MYO10: variants seen among roughly 807,000 people sequenced by gnomAD.
The protein encoded by MYO10 is unconventional myosin-X.
A neutral mutation model predicts 257.3 loss-of-function variants in MYO10; 133 were observed. That is an observed-to-expected ratio of 0.52 (90% confidence interval 0.45 to 0.60). The LOEUF is 0.60. Ranked by LOEUF, MYO10 falls within the 20% of genes least tolerant of loss-of-function variation. MYO10 has a pLI of 0.00. For missense variants in MYO10, 2,399 were observed against 2,635.7 expected (o/e 0.91, Z 1.97); for synonymous variants, 1,104 against 1,028.6 (o/e 1.07, Z -1.40).
At chr5:16,882,218 C>T (rs1744772584) in intron 1 of MYO10, among the ~76,000 whole-genome samples, 1 of 152,134 alleles carries the variant, frequency 6.6e-6, no homozygotes, top group African/African-American at 2.4e-5. Flanking sequence ...ACGTAAGGTT[C>T]ACAGAGGTTC....
At chr5:16,852,755 G>A (rs761383342) in intron 2 of MYO10, among the ~76,000 whole-genome samples, 2 of 151,992 alleles carry the variant, frequency 1.3e-5, no homozygotes, top group East Asian at 1.9e-4. Flanking sequence ...CTGGTCACAC[G>A]TAAATGACAC....
intron 1 of MYO10, among the ~76,000 whole-genome samples, chr5:16,904,148 T>C (rs1214692703): frequency 6.6e-6 from 1 of 152,088 alleles, no homozygotes; most frequent in Admixed American, 6.6e-5. Context: ...AAAGCTTCTA[T>C]AAAAACCCAA....
chr5:16,716,531 C>T, intron 19 of MYO10, among the ~76,000 whole-genome samples: 1 of 79,676 alleles, frequency 1.3e-5, no homozygotes, highest in East Asian at 8.4e-4. Flanking sequence ...GATTTGGAAA[C>T]AGCCATTTGC....
intron 19 of MYO10, among the ~76,000 whole-genome samples, chr5:16,717,785 A>G (rs31296): frequency 0.82 from 124,964 of 152,170 alleles, 51,526 homozygotes; most frequent in Non-Finnish European, 0.84. Context: ...GTGACAGCAC[A>G]CTGGCAGTCC....
chr5:16,927,227 A>T (rs2434963), intron 1 of MYO10, among the ~76,000 whole-genome samples: 53,310 of 144,166 alleles, frequency 0.37, 9,612 homozygotes, highest in African/African-American at 0.43. Flanking sequence ...ATGAAGGCAT[A>T]AAAAAAAAGT....
At chr5:16,740,885 C>CA (rs536412973) in intron 19 of MYO10, among the ~76,000 whole-genome samples, 3,032 of 133,178 alleles carry the variant, frequency 0.023, 70 homozygotes, top group African/African-American at 0.069. Flanking sequence ...AAATTGATGG[C>CA]AAAAAAAAAA....
chr5:16,672,744 C>A lies in MYO10; in HGVS notation c.5254G>T (p.Asp1752Tyr), dbSNP rs188023536. ...FALFEYNGHVDKAIESRTVVA... is the reference protein window; with the variant it reads ...FALFEYNGHVYKAIESRTVVA... Reference sequence around the variant, plus strand: ...ACGGTTCGACTTTCAATGGCTTTGTCGACGTGGCCGTTGTATTCAAACAAA... The same window carrying A: ...ACGGTTCGACTTTCAATGGCTTTGTAGACGTGGCCGTTGTATTCAAACAAA... Residue 1752 changes from aspartate (D) to tyrosine (Y), a missense_variant, in exon 37 of 41, where the codon GAC becomes TAC. This residue lies in a region of MYO10 where 1,820 missense variants were observed against 1,939.4 expected (regional missense o/e 0.94). Transcript: ENST00000513610. The A allele has an allele frequency of 7.4e-6, 12 of 1,613,962 alleles. No individual in the cohort carries two copies. In the African/African-American group the frequency reaches 1.6e-4, roughly 22 times the overall value.
intron 25 of MYO10, among the ~76,000 whole-genome samples, chr5:16,699,946 T>C (rs1737966588): frequency 6.6e-6 from 1 of 152,334 alleles, no homozygotes; most frequent in East Asian, 1.9e-4. Flanking sequence ...CAAGATATAC[T>C]TGAATCCAAA....
chr5:16,780,034 T>C (rs1741348340), intron 8 of MYO10, among the ~76,000 whole-genome samples: 1 of 152,176 alleles, frequency 6.6e-6, no homozygotes, highest in East Asian at 1.9e-4. Flanking sequence ...CCTGAGTAGC[T>C]GGAATTACAG....
At chr5:16,793,141 C>T (rs1027846901) in intron 4 of MYO10, among the ~76,000 whole-genome samples, 1 of 152,066 alleles carries the variant, frequency 6.6e-6, no homozygotes, top group African/African-American at 2.4e-5. Flanking sequence ...ATGCTTGGCG[C>T]CTCCACGGAA....
rs143172444 is a variant in MYO10 at position 16,889,719 on chromosome 5, G to T, written c.22-12012C>A. Among the ~76,000 whole-genome samples, 61 of 151,778 alleles carry T rather than the reference G, an allele frequency of 4.0e-4. No individual in the cohort carries two copies. In the East Asian group the frequency reaches 0.011, roughly 26 times the overall value. ...TAAAGCACACAAAACAAAACAGCTG[G>T]TTTAAGAACTGCATTCCACTCCTCT... On this transcript the variant is annotated intron_variant, in intron 1 of 40. Transcript: ENST00000513610.
At position 16,758,187 on chromosome 5, in the gene MYO10, G is replaced by A; in HGVS notation, c.1779C>T (p.Ser593=). 2 of 1,613,604 alleles carry A rather than the reference G, an allele frequency of 1.2e-6. No individual in the cohort carries two copies. The highest frequency in any genetic ancestry group is 1.7e-6 in the Non-Finnish European group (2 of 1,179,562). ...ATTTCAAGGTATCCTGGTTGTTGCGGCTTGAAACATGTTCAAAAAGATCGT... is the reference window on the plus strand; with the variant it reads ...ATTTCAAGGTATCCTGGTTGTTGCGACTTGAAACATGTTCAAAAAGATCGT... ...FIYDLFEHVS[S]RNNQDTLKCG... is the part of the protein sequence containing the mutation. Residue 593 remains serine (S), a synonymous_variant, in exon 18 of 41, where the codon AGC becomes AGT. Transcript: ENST00000513610.
intron 2 of MYO10, among the ~76,000 whole-genome samples, chr5:16,866,891 C>T (rs567872412): frequency 8.5e-5 from 13 of 152,292 alleles, no homozygotes; most frequent in Non-Finnish European, 1.6e-4. Context: ...CACCCACAGC[C>T]GCTCTTCCCG....
intron 19 of MYO10, among the ~76,000 whole-genome samples, chr5:16,721,293 T>C (rs1246731114): frequency 6.6e-6 from 1 of 152,098 alleles, no homozygotes; most frequent in Admixed American, 6.5e-5. Context: ...CTCTCAAGAG[T>C]GGTGAATAAA....
At chr5:16,669,388 C>T (rs985468197) in intron 39 of MYO10, among the ~76,000 whole-genome samples, 20 of 151,844 alleles carry the variant, frequency 1.3e-4, no homozygotes, top group African/African-American at 4.8e-4. Context: ...TAATTTTTTG[C>T]AGAGATGGGG....
In MYO10 at chr5:16,794,816, G is replaced by A; in HGVS notation, c.297C>T (p.Ile99=). The change falls in exon 4 of 41, where the codon ATC becomes ATT. Residue 99 remains isoleucine (I), a synonymous_variant. Transcript: ENST00000513610. ...RNQIYTYIGS[I]LASVNPYQPI... is the part of the protein sequence containing the mutation. ...GCTGGTAGGGGTTCACGGAGGCCAG[G>A]ATGGAGCCGATGTAGGTCTGCAAGC... The A allele has an allele frequency of 1.3e-6, 2 of 1,553,760 alleles. No individual in the cohort carries two copies. Among genetic ancestry groups the A allele is most frequent in the African/African-American group, 1.4e-5 (1 of 73,516 alleles).
At chr5:16,847,950 A>G (rs1330043332) in intron 2 of MYO10, among the ~76,000 whole-genome samples, 1 of 152,236 alleles carries the variant, frequency 6.6e-6, no homozygotes, top group Non-Finnish European at 1.5e-5. Context: ...TGGTACTCAC[A>G]TGCAAGTGAT....
intron 2 of MYO10, among the ~76,000 whole-genome samples, chr5:16,826,073 G>A (rs964472229): frequency 6.6e-6 from 1 of 151,698 alleles, no homozygotes; most frequent in Non-Finnish European, 1.5e-5. Context: ...GCTTGAACCC[G>A]GGAGGCGGAG....
At chr5:16,773,663 A>G (rs1460227949) in intron 9 of MYO10, among the ~76,000 whole-genome samples, 2 of 147,448 alleles carry the variant, frequency 1.4e-5, no homozygotes, top group African/African-American at 5.0e-5. Flanking sequence ...CCTTGTCTCA[A>G]AAAAAAAAAA....
Sources: gnomAD v4.1 joint callset for allele counts (sites outside exome capture counted in the v4.1 genomes callset) on GRCh38, gnomAD v4.1.1 for gene constraint, gnomAD v4.1.1 regional missense constraint, MANE v1.5 for transcripts, NCBI Gene and HGNC (gene_info 2026-07-23, HGNC 2026-07-21) for gene names.